The following RNGTT variants were observed in gnomAD, a reference collection of about 807,000 sequenced individuals.
RNGTT encodes the protein mRNA-capping enzyme.
In RNGTT, 33 loss-of-function variants were observed where a neutral mutation model predicts 79.3. The observed-to-expected ratio is 0.42, with a 90% confidence interval of 0.32 to 0.56. The LOEUF (loss-of-function observed/expected upper bound fraction) is 0.56. Ranked by LOEUF, RNGTT falls within the 20% of genes least tolerant of loss-of-function variation. RNGTT has a pLI of 0.17. For synonymous variants in RNGTT, 222 were observed against 235.9 expected (o/e 0.94, Z 0.54); for missense variants, 497 against 739.1 (o/e 0.67, Z 3.80).
intron 14 of RNGTT, among the ~76,000 whole-genome samples, chr6:88,647,715 A>AAAAG (rs531898293): frequency 7.0e-6 from 1 of 142,506 alleles, no homozygotes; most frequent in Admixed American, 6.8e-5. Flanking sequence ...AAAAAAAAAA[A>AAAAG]AAGAAGAAGA....
chr6:88,918,177 G>A (rs1784057065), intron 4 of RNGTT, among the ~76,000 whole-genome samples: 1 of 151,916 alleles, frequency 6.6e-6, no homozygotes, highest in South Asian at 2.1e-4. Flanking sequence ...TTAAAAAATA[G>A]CCAGGCATGG....
chr6:88,901,273 A>G (rs1783448343), intron 6 of RNGTT, among the ~76,000 whole-genome samples: 1 of 152,074 alleles, frequency 6.6e-6, no homozygotes, highest in Non-Finnish European at 1.5e-5. Flanking sequence ...ACAAATTAGG[A>G]AAAAAACTCC....
chr6:88,847,308 T>C (rs958575005), intron 10 of RNGTT, among the ~76,000 whole-genome samples: 4 of 152,054 alleles, frequency 2.6e-5, no homozygotes, highest in Non-Finnish European at 5.9e-5. Context: ...GTATACCCAG[T>C]ACATATGTAC....
chr6:88,696,311 A>G (rs1019462714), intron 13 of RNGTT, among the ~76,000 whole-genome samples: 1 of 152,186 alleles, frequency 6.6e-6, no homozygotes, highest in Admixed American at 6.5e-5. Flanking sequence ...CTCTAAATTG[A>G]TCCTTCCTGA....
At chr6:88,932,541 A>G (rs1281078543) in intron 2 of RNGTT, among the ~76,000 whole-genome samples, 1 of 152,020 alleles carries the variant, frequency 6.6e-6, no homozygotes, top group African/African-American at 2.4e-5. Context: ...ACCTGCTGAC[A>G]TGTGTCTCCC....
At chr6:88,892,051 C>T (rs1018593997) in intron 6 of RNGTT, 136 bp from the exon 7 acceptor site, 45 of 596,396 alleles carry the variant, frequency 7.5e-5, no homozygotes, top group Admixed American at 2.4e-4. Context: ...CTAACAGAAA[C>T]GGTCTGCTGT....
At chr6:88,739,572 C>T (rs1386313744) in intron 13 of RNGTT, among the ~76,000 whole-genome samples, 1 of 151,622 alleles carries the variant, frequency 6.6e-6, no homozygotes, top group Non-Finnish European at 1.5e-5. Context: ...TATTTTCTAA[C>T]ATGTGACAAA....
Position 88,828,174 on chromosome 6 carries a change from G to A in RNGTT, c.1269+16183C>T, listed in dbSNP as rs112487831. Among the ~76,000 whole-genome samples the A allele has an allele frequency of 3.6e-3, 542 of 152,230 alleles. 9 individuals carry two copies. Among genetic ancestry groups the A allele is most frequent in the African/African-American group, 0.013 (525 of 41,548 alleles). The stretch of plus-strand genomic sequence containing the variant: ...TGGCATCTGGTGGGTGCCCATCTAG[G>A]ACAAAGCTTCCGGAGGAAGAACAGG... On this transcript the variant is annotated intron_variant, in intron 11 of 15. Transcript: ENST00000369485.
At chr6:88,647,085 T>C (rs1436670778) in intron 14 of RNGTT, among the ~76,000 whole-genome samples, 3 of 151,998 alleles carry the variant, frequency 2.0e-5, no homozygotes, top group South Asian at 4.2e-4. Flanking sequence ...AGTTGAACCA[T>C]TGAGGCCGGG....
intron 2 of RNGTT, among the ~76,000 whole-genome samples, chr6:88,939,286 C>T (rs1200667423): frequency 1.3e-5 from 2 of 152,142 alleles, no homozygotes; most frequent in African/African-American, 4.8e-5. Context: ...GAAGGCTTTG[C>T]TCATTCTTTT....
intron 12 of RNGTT, among the ~76,000 whole-genome samples, chr6:88,781,974 C>T (rs1338710364): frequency 6.6e-6 from 1 of 152,026 alleles, no homozygotes; most frequent in Non-Finnish European, 1.5e-5. Context: ...GATCCTGAAT[C>T]CATCTGGTTA....
rs1188575555 is a variant in RNGTT, at chr6:88,727,624, A to G, written c.1439+42150T>C. 2.0e-5 allele frequency among the ~76,000 whole-genome samples: 3 copies of G among 152,216 alleles called. No individual in the cohort carries two copies. The East Asian group carries it at 5.8e-4, about 29-fold the overall frequency. ...TTTAACATTAATAACACACTAATAT[A>G]AAGGTGAAATTTAGCTTATCTGGTA... On this transcript the variant is annotated intron_variant, in intron 13 of 15. Transcript: ENST00000369485.
intron 14 of RNGTT, among the ~76,000 whole-genome samples, chr6:88,671,042 A>T (rs983113179): frequency 1.3e-5 from 2 of 152,206 alleles, no homozygotes; most frequent in Admixed American, 6.5e-5. Flanking sequence ...GAGAACTGGA[A>T]TAAGACAATG....
chr6:88,784,502 A>C (rs1779166025), intron 12 of RNGTT, among the ~76,000 whole-genome samples: 1 of 152,172 alleles, frequency 6.6e-6, no homozygotes, highest in Non-Finnish European at 1.5e-5. Context: ...AATATAGAAA[A>C]GAAAATAGTT....
intron 13 of RNGTT, among the ~76,000 whole-genome samples, chr6:88,707,345 C>G (rs928496622): frequency 7.3e-6 from 1 of 137,482 alleles, no homozygotes; most frequent in African/African-American, 2.7e-5. Flanking sequence ...TTTAAAGGAT[C>G]TTCAAACCAC....
intron 14 of RNGTT, among the ~76,000 whole-genome samples, chr6:88,641,671 T>C (rs1027157178): frequency 7.2e-5 from 11 of 152,216 alleles, no homozygotes; most frequent in African/African-American, 2.4e-4. Context: ...CTGTTTTTCA[T>C]CACTTGGTAT....
At chr6:88,935,807 T>G (rs980045654) in intron 2 of RNGTT, among the ~76,000 whole-genome samples, 1 of 152,208 alleles carries the variant, frequency 6.6e-6, no homozygotes, top group African/African-American at 2.4e-5. Context: ...TATTCCTGAG[T>G]ATTTTACTAT....
Position 88,838,072 on chromosome 6 carries a change from A to G in RNGTT, c.1269+6285T>C, listed in dbSNP as rs867182382. Among the ~76,000 whole-genome samples, 3 of 152,218 alleles carry G rather than the reference A, an allele frequency of 2.0e-5. 1 individual carries two copies. The South Asian group carries it at 6.2e-4, about 32-fold the overall frequency. On this transcript the variant is annotated intron_variant, in intron 11 of 15. Transcript: ENST00000369485. ...CAAAAGTAAGAGAGTTCGATAAATA[A>G]GATTGTATGTCAAAATTATCAGCTT... is the stretch of plus-strand genomic sequence containing the variant.
intron 8 of RNGTT, among the ~76,000 whole-genome samples, chr6:88,858,409 T>C (rs1172617113): frequency 6.6e-6 from 1 of 152,078 alleles, no homozygotes; most frequent in Non-Finnish European, 1.5e-5. Flanking sequence ...TAATACATAT[T>C]AGAACAGTGA....
Sources: gnomAD v4.1 joint callset for allele counts (sites outside exome capture counted in the v4.1 genomes callset) on GRCh38, gnomAD v4.1.1 for gene constraint, MANE v1.5 for transcripts, NCBI Gene and HGNC (gene_info 2026-07-23, HGNC 2026-07-21) for gene names.